KAZN: variants seen among roughly 807,000 people sequenced by gnomAD.
KAZN encodes the protein kazrin, periplakin interacting protein.
Under a neutral mutation model 87.4 loss-of-function variants are expected in KAZN, and 40 were observed. That is an observed-to-expected ratio of 0.46 (90% CI 0.36 to 0.60). The LOEUF is 0.60. Among genes scored for constraint, KAZN ranks in the 20% least tolerant of loss-of-function variants. The pLI is 0.00. For missense variants in KAZN, 898 were observed against 1,073.9 expected, an observed-to-expected ratio of 0.84 and a Z score of 2.29; for synonymous variants, 466 against 458.3, an observed-to-expected ratio of 1.02 and a Z score of -0.22.
intron 1 of KAZN, among the ~76,000 whole-genome samples, chr1:14,154,547 GA>G (rs1645546775): frequency 6.6e-6 from 1 of 152,184 alleles, no homozygotes; most frequent in Admixed American, 6.5e-5. Context: ...TAACAGTGAT[GA>G]AAGTGGGCAT....
chr1:14,948,771 T>C (rs1248993010), intron 1 of KAZN, among the ~76,000 whole-genome samples: 1 of 152,014 alleles, frequency 6.6e-6, no homozygotes, highest in Non-Finnish European at 1.5e-5. Flanking sequence ...CTTGTACCAA[T>C]AGGATGGCCC....
chr1:14,436,980 C>G (rs1183321317), intron 2 of KAZN, among the ~76,000 whole-genome samples: 1 of 152,296 alleles, frequency 6.6e-6, no homozygotes, highest in Non-Finnish European at 1.5e-5. Flanking sequence ...AGTCCTGTTT[C>G]CCTGCCTGAC....
chr1:14,547,489 T>G (rs891909264), intron 2 of KAZN, among the ~76,000 whole-genome samples: 11 of 152,226 alleles, frequency 7.2e-5, no homozygotes, highest in African/African-American at 2.7e-4. Context: ...CAAAACTCCT[T>G]TAGACTGGAA....
At chr1:14,152,044 G>A (rs1258145798) in intron 1 of KAZN, among the ~76,000 whole-genome samples, 1 of 151,976 alleles carries the variant, frequency 6.6e-6, no homozygotes, top group East Asian at 1.9e-4. Flanking sequence ...TTTAATTTTT[G>A]TGGGTACGTA....
At chr1:14,347,423 A>G (rs927674400) in intron 2 of KAZN, among the ~76,000 whole-genome samples, 10 of 152,214 alleles carry the variant, frequency 6.6e-5, no homozygotes, top group Non-Finnish European at 1.2e-4. Flanking sequence ...CAATGAAGAC[A>G]CGCTAAAGAG....
At chr1:14,839,667 A>C (rs1647703477) in intron 1 of KAZN, among the ~76,000 whole-genome samples, 1 of 152,016 alleles carries the variant, frequency 6.6e-6, no homozygotes, top group Admixed American at 6.6e-5. Flanking sequence ...TGTGTTTGTT[A>C]TTGTTGTTGC....
intron 1 of KAZN, among the ~76,000 whole-genome samples, chr1:14,733,937 G>A (rs1357482303): frequency 4.6e-5 from 7 of 152,112 alleles, no homozygotes. Flanking sequence ...GTCGGTTCCC[G>A]GCACACCATA....
intron 1 of KAZN, among the ~76,000 whole-genome samples, chr1:13,978,920 G>A (rs1570437730): frequency 6.6e-6 from 1 of 151,786 alleles, no homozygotes; most frequent in Non-Finnish European, 1.5e-5. Flanking sequence ...GGGCAACACA[G>A]GGAGACCCTG....
Position 15,021,476 on chromosome 1 carries a change from C to T in KAZN, c.419-13273C>T, listed in dbSNP as rs1440268527. 6.6e-6 allele frequency among the ~76,000 whole-genome samples: 1 copy of T among 152,204 alleles called. No homozygotes were observed. The highest frequency in any genetic ancestry group is 6.5e-5 in the Admixed American group (1 of 15,278). The stretch of plus-strand genomic sequence containing the variant: ...TTCAGAGGCTGGAAAACAAACACCA[C>T]CCGCTCCCAGTCCCGGCCCCTCCCA... On this transcript the variant is annotated intron_variant, in intron 2 of 14. Transcript: ENST00000376030. This position sits in a 1 kb window ranked among gnomAD's most constrained non-coding sequence, Gnocchi z 4.2.
intron 1 of KAZN, among the ~76,000 whole-genome samples, chr1:14,059,258 T>C (rs1642694823): frequency 6.6e-6 from 1 of 152,172 alleles, no homozygotes; most frequent in South Asian, 2.1e-4. Context: ...AAGCTGGTAG[T>C]GGCTCAGTCT....
At chr1:14,957,795 C>T (rs1368603083) in intron 1 of KAZN, among the ~76,000 whole-genome samples, 1 of 152,208 alleles carries the variant, frequency 6.6e-6, no homozygotes, top group Non-Finnish European at 1.5e-5. Context: ...TCAGACAGGG[C>T]CAAAGAGGCA....
rs199977248 is a variant in KAZN, at chr1:15,094,405, C to T, written c.1428+20C>T. Reference sequence around the variant, plus strand: ...GGGAAGGTAGGCAACTCCGGGCCCCCTATGGGATGCCACCCATGCCCTCTG... The same window carrying T: ...GGGAAGGTAGGCAACTCCGGGCCCCTTATGGGATGCCACCCATGCCCTCTG... On this transcript the variant is annotated intron_variant, in intron 9 of 14. Transcript: ENST00000376030. The surrounding 1 kb of genome is among the most constrained non-coding windows in gnomAD (Gnocchi z 4.5). The T allele has an allele frequency of 5.7e-5, 91 of 1,597,474 alleles. No individual in the cohort carries two copies. In the African/African-American group the frequency reaches 1.1e-3, roughly 19 times the overall value.
chr1:14,211,775 T>G (rs865962258), intron 2 of KAZN, among the ~76,000 whole-genome samples: 1 of 152,160 alleles, frequency 6.6e-6, no homozygotes, highest in African/African-American at 2.4e-5. Context: ...TCCTACAAAA[T>G]TTTCCAAATT....
At chr1:14,205,769 C>G (rs1426472634) in intron 2 of KAZN, among the ~76,000 whole-genome samples, 1 of 150,172 alleles carries the variant, frequency 6.7e-6, no homozygotes, top group Non-Finnish European at 1.5e-5. Context: ...GCCTGTAATC[C>G]TAGCTACTTG....
At chr1:14,547,756 G>GT (rs1237411536) in intron 2 of KAZN, among the ~76,000 whole-genome samples, 2 of 151,490 alleles carry the variant, frequency 1.3e-5, no homozygotes. Flanking sequence ...CTAATTTTTT[G>GT]TTTTTTGTAT....
At chr1:14,998,702 C>T (rs1028550409) in intron 2 of KAZN, among the ~76,000 whole-genome samples, 31 of 152,148 alleles carry the variant, frequency 2.0e-4, no homozygotes, top group Admixed American at 1.9e-3. Context: ...GCGTGCACCA[C>T]CACACCAGGC....
chr1:14,983,509 G>T (rs375053785), intron 2 of KAZN, among the ~76,000 whole-genome samples: 2 of 152,128 alleles, frequency 1.3e-5, no homozygotes, highest in South Asian at 4.1e-4. Context: ...GCAAAGTGAC[G>T]TGACCCCTGT....
intron 2 of KAZN, among the ~76,000 whole-genome samples, chr1:14,182,288 C>T (rs1646214495): frequency 6.6e-6 from 1 of 152,134 alleles, no homozygotes; most frequent in Admixed American, 6.5e-5. Context: ...AGGTGGGTTA[C>T]ATCTTCTTCC....
At chr1:15,054,837 TC>T (rs1674781377) in intron 4 of KAZN, among the ~76,000 whole-genome samples, 1 of 152,244 alleles carries the variant, frequency 6.6e-6, no homozygotes. Context: ...GTGTGGCCAG[TC>T]GAGGCGGCCT....
Sources: gnomAD v4.1 joint callset for allele counts (sites outside exome capture counted in the v4.1 genomes callset) on GRCh38, gnomAD v4.1.1 for gene constraint, Gnocchi (gnomAD v3.1) non-coding constraint, MANE v1.5 for transcripts, NCBI Gene and HGNC (gene_info 2026-07-23, HGNC 2026-07-21) for gene names.